The following FAXC variants were observed in gnomAD, a reference collection of about 807,000 sequenced individuals.
FAXC encodes failed axon connections homolog, metaxin like GST domain containing, also known as failed axon connections homolog.
A neutral mutation model predicts 41.9 loss-of-function variants in FAXC; 10 were observed. That is an observed-to-expected ratio of 0.24 (90% CI 0.15 to 0.41). The LOEUF (loss-of-function observed/expected upper bound fraction) is 0.41, where lower values mean the gene tolerates loss of function less well. Among genes scored for constraint, FAXC ranks in the 10% least tolerant of loss-of-function variants. FAXC has a pLI of 1.00. For synonymous variants in FAXC, 183 were observed against 183.8 expected (o/e 1.00, Z 0.03); for missense variants, 399 against 510.9 (o/e 0.78, Z 2.11).
rs1176415420 is a variant in FAXC, at chr6:99,276,315, AG to A, written c.*4848del. On this transcript the variant is annotated 3_prime_UTR_variant, in exon 6 of 6. Transcript: ENST00000389677. ...TGTGCAGACCTTTCTTCTTTAAGGAAGAAAAATCCAGCCTCTTCTCTCCCAC... is the reference window on the plus strand; with the variant it reads ...TGTGCAGACCTTTCTTCTTTAAGGAAAAAAATCCAGCCTCTTCTCTCCCAC... 3 of 152,192 alleles carry A rather than the reference AG, an allele frequency of 2.0e-5. No individual in the cohort carries two copies. Among genetic ancestry groups the A allele is most frequent in the African/African-American group, 7.2e-5 (3 of 41,452 alleles). 9.4% of individuals were successfully genotyped at this position (152,192 alleles called of 1,614,324 possible). A position where few individuals can be genotyped will look rare whatever the true frequency, so the allele number is the denominator to read the frequency against.
chr6:99,277,732 A>G lies in FAXC; in HGVS notation c.*3432T>C, dbSNP rs990737860. 6.6e-6 allele frequency: 1 copy of G among 152,208 alleles called. No individual in the cohort carries two copies. The highest frequency in any genetic ancestry group is 2.4e-5 in the African/African-American group (1 of 41,462). The allele number at this position is 152,208 out of a possible 1,614,324, so 9.4% of individuals were successfully genotyped here. A position where few individuals can be genotyped will look rare whatever the true frequency, so the allele number is the denominator to read the frequency against. ...ATGCATTTTATAAGACAACAAAGCC[A>G]CAGTGGTATAATGGAAAGAACCATC... On this transcript the variant is annotated 3_prime_UTR_variant, in exon 6 of 6. Coordinates refer to ENST00000389677, the MANE Select transcript of FAXC (RefSeq NM_032511.4).
chr6:99,344,825 G>C (rs1773537919), intron 1 of FAXC, among the ~76,000 whole-genome samples: 1 of 152,092 alleles, frequency 6.6e-6, no homozygotes, highest in East Asian at 1.9e-4. Context: ...CGACAGGAGA[G>C]GAGACAAACA....
At chr6:99,328,371 C>T (rs1351806839) in intron 3 of FAXC, among the ~76,000 whole-genome samples, 2 of 152,180 alleles carry the variant, frequency 1.3e-5, no homozygotes, top group African/African-American at 4.8e-5. Context: ...TTGGCCCTTC[C>T]ACCATATGAG....
chr6:99,330,392 G>A (rs779917717), intron 3 of FAXC, among the ~76,000 whole-genome samples: 1 of 152,100 alleles, frequency 6.6e-6, no homozygotes, highest in Non-Finnish European at 1.5e-5. Context: ...TATGTATTCA[G>A]TACAACAAAG....
chr6:99,298,129 T>A (rs928778060), intron 4 of FAXC, among the ~76,000 whole-genome samples: 6 of 152,212 alleles, frequency 3.9e-5, no homozygotes, highest in African/African-American at 1.4e-4. Flanking sequence ...TGAATAGCAC[T>A]GTTCCAGGTG....
rs545346212 is a variant in FAXC at position 99,290,296 on chromosome 6, C to T, written c.940+1408G>A. Reference sequence around the variant, plus strand: ...GCACTGGTTCTACGTATCCTTGCTCCTTAGCTTCCCCTCTCATATCTCTTG... The same window carrying T: ...GCACTGGTTCTACGTATCCTTGCTCTTTAGCTTCCCCTCTCATATCTCTTG... On this transcript the variant is annotated intron_variant, in intron 5 of 5. Transcript: ENST00000389677. Among the ~76,000 whole-genome samples the T allele has an allele frequency of 3.3e-5, 5 of 152,248 alleles. No individual in the cohort carries two copies. The East Asian group carries it at 7.7e-4, about 23-fold the overall frequency.
chr6:99,294,102 G>A (rs760841582), intron 4 of FAXC, among the ~76,000 whole-genome samples: 1 of 152,074 alleles, frequency 6.6e-6, no homozygotes, highest in Non-Finnish European at 1.5e-5. Flanking sequence ...TGCCTTTTCT[G>A]GCAAGGACAA....
intron 5 of FAXC, among the ~76,000 whole-genome samples, chr6:99,287,158 T>C (rs1262536906): frequency 1.3e-5 from 2 of 152,200 alleles, no homozygotes; most frequent in African/African-American, 4.8e-5. Context: ...TAGGATATTA[T>C]GCAACTATTA....
At chr6:99,326,843 T>C (rs2128460955) in intron 3 of FAXC, among the ~76,000 whole-genome samples, 1 of 152,202 alleles carries the variant, frequency 6.6e-6, no homozygotes. Context: ...GCTTCCTCCG[T>C]AGCATGGGAA....
rs1419512142 is a variant in FAXC at position 99,315,253 on chromosome 6, AAAAAAAAAAC to A, written c.823+8181_823+8190del. Among the ~76,000 whole-genome samples the A allele has an allele frequency of 6.9e-3, 934 of 136,124 alleles. 54 individuals are homozygous for A. Among genetic ancestry groups the A allele is most frequent in the African/African-American group, 0.024 (810 of 33,366 alleles). The allele number at this position is 136,124 out of a possible 152,430, so 89.3% of individuals were successfully genotyped here. A position where few individuals can be genotyped will look rare whatever the true frequency, so the allele number is the denominator to read the frequency against. ...ATCTTAAAAAAAAAAAAAAAAAAAA[AAAAAAAAAAC>A]CAGTAAATGTCACCTCCTTGAAGAA... On this transcript the variant is annotated intron_variant, in intron 4 of 5. Coordinates refer to ENST00000389677, the MANE Select transcript of FAXC (RefSeq NM_032511.4).
Position 99,344,590 on chromosome 6 carries a change from T to TA in FAXC, c.267-1558dup, listed in dbSNP as rs529604483. Among the ~76,000 whole-genome samples, 69 of 145,456 alleles carry TA rather than the reference T, an allele frequency of 4.7e-4. 1 individual carries two copies. The highest frequency in any genetic ancestry group is 2.5e-3 in the Admixed American group (36 of 14,574). On this transcript the variant is annotated intron_variant, in intron 1 of 5. Coordinates refer to ENST00000389677, the MANE Select transcript of FAXC (RefSeq NM_032511.4). ...TGACTCATTTTGAAAATATGTCAAG[T>TA]AAAAAAAAAAAATTGCTGCTTTCTG...
chr6:99,291,817 T>C lies in FAXC; in HGVS notation c.827A>G (p.Asp276Gly). 6.2e-7 allele frequency: 1 copy of C among 1,612,170 alleles called. No homozygotes were observed. Among genetic ancestry groups the C allele is most frequent in the South Asian group, 1.1e-5 (1 of 91,044 alleles). Residue 276 changes from aspartate (D) to glycine (G), a missense_variant, in exon 5 of 6, where the codon GAT becomes GGT. By Grantham distance (94) the Asp-to-Gly change is moderately conservative. Coordinates refer to ENST00000389677, the MANE Select transcript of FAXC (RefSeq NM_032511.4). The part of the protein sequence containing the change: ...DMRSLAGLLG[D>G]KKYIMGPKLS... ...CTTGGGCCCCATGATGTACTTCTTA[T>C]CACCTGCAGTAAATAAAGCAGAGAA... is the stretch of plus-strand genomic sequence containing the variant.
At chr6:99,319,952 CTATAAATA>C (rs1772531912) in intron 4 of FAXC, among the ~76,000 whole-genome samples, 1 of 152,176 alleles carries the variant, frequency 6.6e-6, no homozygotes, top group East Asian at 1.9e-4. Context: ...CTCCTAATTT[CTATAAATA>C]CTAATTTTGT....
In FAXC at chr6:99,274,186, C is replaced by T. The variant is rs1467544711; in HGVS notation, c.*6978G>A. On this transcript the variant is annotated 3_prime_UTR_variant, in exon 6 of 6. Coordinates refer to ENST00000389677, the MANE Select transcript of FAXC (RefSeq NM_032511.4). ...TAAGCTGCTATCTAAGGTCCCAGGC[C>T]TGGCTTCAGAAGGGGAATGGGGGAC... 2 of 152,170 alleles carry T rather than the reference C, an allele frequency of 1.3e-5. No individual in the cohort carries two copies. The highest frequency in any genetic ancestry group is 3.9e-4 in the East Asian group (2 of 5,180). 9.4% of individuals were successfully genotyped at this position (152,170 alleles called of 1,614,324 possible). A position where few individuals can be genotyped will look rare whatever the true frequency, so the allele number is the denominator to read the frequency against.
intron 4 of FAXC, 89 bp downstream of exon 4, chr6:99,323,355 A>T: frequency 8.5e-7 from 1 of 1,181,534 alleles, no homozygotes; most frequent in South Asian, 1.5e-5. Flanking sequence ...AACCAAAATT[A>T]AAACATAAAT....
chr6:99,300,284 T>C (rs1463712714), intron 4 of FAXC, among the ~76,000 whole-genome samples: 1 of 152,208 alleles, frequency 6.6e-6, no homozygotes, highest in Non-Finnish European at 1.5e-5. Context: ...AGAGAATCCA[T>C]GGGCATACTT....
At chr6:99,292,484 T>C (rs1771284850) in intron 4 of FAXC, among the ~76,000 whole-genome samples, 1 of 152,200 alleles carries the variant, frequency 6.6e-6, no homozygotes, top group Non-Finnish European at 1.5e-5. Flanking sequence ...CATCCAGGCC[T>C]TGTCACCGGA....
rs534725379 is a variant in FAXC at position 99,272,867 on chromosome 6, T to C, written c.*8297A>G. On this transcript the variant is annotated 3_prime_UTR_variant, in exon 6 of 6. Transcript: ENST00000389677. ...CCCCATGAGCCTGAAGTTTAAACAT[T>C]CAAATTTGCAAAAGAGAAGTAAATT... The C allele has an allele frequency of 6.6e-6, 1 of 152,192 alleles. No individual in the cohort carries two copies. Among genetic ancestry groups the C allele is most frequent in the Admixed American group, 6.5e-5 (1 of 15,286 alleles). The allele number at this position is 152,192 out of a possible 1,614,324, so 9.4% of individuals were successfully genotyped here.
At chr6:99,300,984 A>G (rs1771681457) in intron 4 of FAXC, among the ~76,000 whole-genome samples, 1 of 152,254 alleles carries the variant, frequency 6.6e-6, no homozygotes, top group African/African-American at 2.4e-5. Context: ...CAGACTCCAC[A>G]TTCCTGAAGG....
Sources: allele counts gnomAD v4.1 joint callset (sites outside exome capture counted in the v4.1 genomes callset), GRCh38; gene constraint gnomAD v4.1.1; transcripts MANE v1.5; gene names NCBI Gene and HGNC (gene_info 2026-07-23, HGNC 2026-07-21).